CCNH: variants seen among roughly 807,000 people sequenced by gnomAD.
CCNH encodes cyclin H.
Under a neutral mutation model 41.9 loss-of-function variants are expected in CCNH, and 31 were observed. The ratio of observed to expected loss-of-function variants is 0.74; its 90% CI spans 0.56 to 1.00. The LOEUF is 1.00. Ranked by LOEUF, CCNH falls within the 50% of genes least tolerant of loss-of-function variation. CCNH has a pLI of 0.00. For synonymous variants in CCNH, 138 were observed against 136.1 expected, an observed-to-expected ratio of 1.01 and a Z score of -0.10; for missense variants, 362 against 388.4, an observed-to-expected ratio of 0.93 and a Z score of 0.57.
downstream of CCNH, chr5:87,393,830 A>AT (rs1561339666): frequency 6.6e-6 from 1 of 152,178 alleles, no homozygotes; most frequent in Non-Finnish European, 1.5e-5. Context: ...TGAATATACA[A>AT]TTTGCTGCTA....
intron 9 of CCNH, among the ~76,000 whole-genome samples, chr5:87,368,676 C>G (rs1760708329): frequency 6.6e-6 from 1 of 152,156 alleles, no homozygotes; most frequent in Admixed American, 6.6e-5. Context: ...CTTTTTTCTC[C>G]TAGCACTATC....
intron 9 of CCNH, chr5:87,331,513 T>G: frequency 6.2e-7 from 1 of 1,612,934 alleles, no homozygotes; most frequent in East Asian, 2.2e-5. Flanking sequence ...AAGTCTTTAT[T>G]CCTATTATGA....
intron 9 of CCNH, among the ~76,000 whole-genome samples, chr5:87,345,479 C>G (rs940769383): frequency 2.0e-5 from 3 of 152,058 alleles, no homozygotes; most frequent in Admixed American, 1.3e-4. Flanking sequence ...GTCATTTAGC[C>G]TATACTTGAA....
chr5:87,320,859 A>G (rs557954946), intron 9 of CCNH, among the ~76,000 whole-genome samples: 3 of 152,366 alleles, frequency 2.0e-5, no homozygotes, highest in Admixed American at 1.3e-4. Context: ...GTGAAAAGAC[A>G]AGGTGAAAAC....
At chr5:87,336,382 T>A (rs1003262969) in intron 9 of CCNH, among the ~76,000 whole-genome samples, 3 of 151,538 alleles carry the variant, frequency 2.0e-5, no homozygotes, top group Non-Finnish European at 2.9e-5. Context: ...AAAAAAAAAA[T>A]AGCTGATCTA....
chr5:87,338,535 A>ATTTTTTTTTTTT (rs1561292521), intron 9 of CCNH, among the ~76,000 whole-genome samples: 1 of 95,884 alleles, frequency 1.0e-5, no homozygotes, highest in African/African-American at 4.8e-5. Flanking sequence ...ATATATATAA[A>ATTTTTTTTTTTT]ATTTTTTTTT....
intron 9 of CCNH, among the ~76,000 whole-genome samples, chr5:87,350,139 T>C (rs1430288903): frequency 6.6e-6 from 1 of 151,846 alleles, no homozygotes; most frequent in Non-Finnish European, 1.5e-5. Flanking sequence ...GAATAGAGAT[T>C]CTGTAGCTTG....
intron 6 of CCNH, among the ~76,000 whole-genome samples, chr5:87,399,707 C>G (rs1763251776): frequency 6.6e-6 from 1 of 152,108 alleles, no homozygotes; most frequent in Admixed American, 6.5e-5. Flanking sequence ...AATTATGGCT[C>G]TCTGCTGTTT....
intron 9 of CCNH, among the ~76,000 whole-genome samples, chr5:87,338,730 T>G (rs1758218966): frequency 6.6e-6 from 1 of 151,078 alleles, no homozygotes; most frequent in African/African-American, 2.4e-5. Flanking sequence ...TAAGTGAAGT[T>G]ATATCAGTCT....
intron 9 of CCNH, chr5:87,363,473 G>A (rs1452265546): frequency 1.2e-6 from 2 of 1,612,464 alleles, no homozygotes; most frequent in Non-Finnish European, 1.7e-6. Flanking sequence ...TGTATGTTCT[G>A]TCTATGTCGT....
intron 9 of CCNH, chr5:87,363,244 G>T (rs1157332801): frequency 3.7e-6 from 4 of 1,072,090 alleles, no homozygotes; most frequent in African/African-American, 1.6e-5. Context: ...ATAAGCTTTG[G>T]AATAAAAATT....
At chr5:87,354,960 C>T (rs1445901393) in intron 9 of CCNH, among the ~76,000 whole-genome samples, 1 of 152,098 alleles carries the variant, frequency 6.6e-6, no homozygotes, top group African/African-American at 2.4e-5. Flanking sequence ...CTCTTCTATT[C>T]TGTGAAGGCT....
downstream of CCNH, chr5:87,372,107 T>C (rs778350337): frequency 6.2e-7 from 1 of 1,612,354 alleles, no homozygotes; most frequent in Non-Finnish European, 8.5e-7. Context: ...AAGTGCTGTT[T>C]TTCTTTGCAG....
chr5:87,379,912 T>G (rs541547586), upstream of CCNH: 635 of 1,518,076 alleles, frequency 4.2e-4, 1 homozygote, highest in Middle Eastern at 7.5e-3. Context: ...AAATTTCTAT[T>G]TCTAAAACGT....
At chr5:87,332,022 G>T (rs1167876482) in intron 9 of CCNH, among the ~76,000 whole-genome samples, 3 of 151,968 alleles carry the variant, frequency 2.0e-5, no homozygotes, top group African/African-American at 7.2e-5. Flanking sequence ...ATCATCTAAT[G>T]CATATAGTGT....
chr5:87,321,737 T>TGCCCACCTTCAC (rs1756826809), intron 9 of CCNH, among the ~76,000 whole-genome samples: 1 of 152,258 alleles, frequency 6.6e-6, no homozygotes, highest in Non-Finnish European at 1.5e-5. Context: ...CTCACCTTCT[T>TGCCCACCTTCAC]GCCCACCTTC....
chr5:87,315,759 T>C (rs1756282662), downstream of CCNH, among the ~76,000 whole-genome samples: 1 of 152,214 alleles, frequency 6.6e-6, no homozygotes, highest in Non-Finnish European at 1.5e-5. Context: ...GCTTCCATTA[T>C]TTTTGTATAT....
chr5:87,346,228 A>AGT (rs1758849649), intron 9 of CCNH, among the ~76,000 whole-genome samples: 1 of 152,054 alleles, frequency 6.6e-6, no homozygotes, highest in Non-Finnish European at 1.5e-5. Flanking sequence ...CTTTCAGCAA[A>AGT]GTAAGAGTCA....
At chr5:87,379,636 A>G (rs1761567790), upstream of CCNH, 1 of 1,496,390 alleles carries the variant, frequency 6.7e-7, no homozygotes, top group East Asian at 2.5e-5. Context: ...AGATACCGAA[A>G]AATAGACAAC....
Sources: gnomAD v4.1 joint callset for allele counts (sites outside exome capture counted in the v4.1 genomes callset) on GRCh38, gnomAD v4.1.1 for gene constraint, MANE v1.5 for transcripts, NCBI Gene and HGNC (gene_info 2026-07-23, HGNC 2026-07-21) for gene names.